The following ARSB variants were observed in gnomAD, a reference collection of about 807,000 sequenced individuals.
ARSB encodes N-acetylgalactosamine-4-sulfatase.
ARSB carries 41 observed loss-of-function variants against 50.9 expected under a neutral mutation model. The ratio of observed to expected loss-of-function variants is 0.81; its 90% confidence interval spans 0.63 to 1.04. The LOEUF (loss-of-function observed/expected upper bound fraction) is 1.04, where lower values mean the gene tolerates loss of function less well. ARSB is among the 50% of genes least tolerant of loss of function. ARSB has a pLI of 0.00. For missense variants in ARSB, 672 were observed against 693.3 expected, an observed-to-expected ratio of 0.97 and a Z score of 0.35; for synonymous variants, 269 against 284.8, an observed-to-expected ratio of 0.94 and a Z score of 0.56.
At chr5:78,924,349 C>A (rs1313543546) in intron 4 of ARSB, among the ~76,000 whole-genome samples, 2 of 152,168 alleles carry the variant, frequency 1.3e-5, no homozygotes, top group Non-Finnish European at 2.9e-5. Context: ...CAGGTCTGTA[C>A]AATTACAGAG....
intron 4 of ARSB, among the ~76,000 whole-genome samples, chr5:78,913,481 G>T (rs1283601998): frequency 6.6e-6 from 1 of 152,206 alleles, no homozygotes; most frequent in African/African-American, 2.4e-5. Context: ...GCAGCAGTGT[G>T]AGGTAGACTT....
intron 6 of ARSB, among the ~76,000 whole-genome samples, chr5:78,788,613 G>A (rs537681645): frequency 2.0e-5 from 3 of 152,028 alleles, no homozygotes; most frequent in Non-Finnish European, 4.4e-5. Flanking sequence ...TATTTTTTGA[G>A]ATAAGGTCTT....
chr5:78,816,331 T>C (rs1743991833), intron 6 of ARSB, among the ~76,000 whole-genome samples: 1 of 152,182 alleles, frequency 6.6e-6, no homozygotes, highest in African/African-American at 2.4e-5. Flanking sequence ...GGGGCTTGAT[T>C]AGCTCTGTCA....
intron 5 of ARSB, among the ~76,000 whole-genome samples, chr5:78,868,952 G>A (rs1746965606): frequency 6.6e-6 from 1 of 151,728 alleles, no homozygotes; most frequent in African/African-American, 2.4e-5. Context: ...GGCTCAAAAT[G>A]AAAGGAAGGA....
chr5:78,938,901 G>A (rs1242966729), intron 4 of ARSB, among the ~76,000 whole-genome samples: 1 of 152,210 alleles, frequency 6.6e-6, no homozygotes, highest in East Asian at 1.9e-4. Flanking sequence ...TCCGGTCACT[G>A]TCCCTTAATG....
intron 5 of ARSB, among the ~76,000 whole-genome samples, chr5:78,874,611 A>C (rs556506586): frequency 1.3e-5 from 2 of 152,212 alleles, no homozygotes; most frequent in Admixed American, 6.5e-5. Context: ...AAAGATAAAA[A>C]GTAAATGTAA....
chr5:78,915,157 G>A (rs1044254852), intron 4 of ARSB, among the ~76,000 whole-genome samples: 3 of 152,076 alleles, frequency 2.0e-5, no homozygotes, highest in African/African-American at 4.8e-5. Flanking sequence ...CTATCAATGC[G>A]CAATCAGCTT....
chr5:78,835,921 C>A (rs1215495133), intron 6 of ARSB, among the ~76,000 whole-genome samples: 2 of 152,146 alleles, frequency 1.3e-5, no homozygotes, highest in Non-Finnish European at 2.9e-5. Context: ...GAGTGAGAAA[C>A]CACAGAAATG....
intron 4 of ARSB, 148 bp from the exon 5 acceptor site, chr5:78,885,975 T>C: frequency 7.7e-7 from 1 of 1,300,086 alleles, no homozygotes; most frequent in African/African-American, 1.5e-5. Flanking sequence ...AAATTCCCTT[T>C]TCCCATTGAC....
intron 5 of ARSB, among the ~76,000 whole-genome samples, chr5:78,850,383 C>G (rs376241417): frequency 0.26 from 39,088 of 151,110 alleles, 6,556 homozygotes; most frequent in African/African-American, 0.49. Context: ...GTATATTGAA[C>G]CAGCCTTGCA....
intron 4 of ARSB, among the ~76,000 whole-genome samples, chr5:78,898,875 G>C (rs2112263499): frequency 6.6e-6 from 1 of 152,340 alleles, no homozygotes; most frequent in African/African-American, 2.4e-5. Flanking sequence ...TTCTGAGTTT[G>C]TCCAGGTACT....
chr5:78,915,640 G>A (rs2112332490), intron 4 of ARSB, among the ~76,000 whole-genome samples: 1 of 152,280 alleles, frequency 6.6e-6, no homozygotes, highest in East Asian at 1.9e-4. Context: ...AATACTCCTT[G>A]TCCAAAACAC....
chr5:78,784,798 C>CTTTTT (rs370754347), intron 6 of ARSB, among the ~76,000 whole-genome samples: 1 of 124,862 alleles, frequency 8.0e-6, no homozygotes, highest in East Asian at 2.3e-4. Context: ...TTTTATTAGT[C>CTTTTT]TTTTTTTTTT....
chr5:78,959,795 A>G (rs1751902633), intron 3 of ARSB, among the ~76,000 whole-genome samples: 1 of 152,228 alleles, frequency 6.6e-6, no homozygotes, highest in African/African-American at 2.4e-5. Flanking sequence ...TTTAAATTGA[A>G]AAAAGAGAAA....
intron 4 of ARSB, among the ~76,000 whole-genome samples, chr5:78,939,778 A>G (rs1398929552): frequency 2.6e-5 from 4 of 152,078 alleles, no homozygotes; most frequent in South Asian, 2.1e-4. Context: ...ATGATTTATA[A>G]TCCTTTGGGT....
chr5:78,826,714 G>A (rs1461753570), intron 6 of ARSB, among the ~76,000 whole-genome samples: 1 of 152,188 alleles, frequency 6.6e-6, no homozygotes, highest in Non-Finnish European at 1.5e-5. Flanking sequence ...AAAACAAATA[G>A]CACAGGTGTT....
chr5:78,785,654 T>C (rs562401929), intron 6 of ARSB, among the ~76,000 whole-genome samples: 1 of 152,314 alleles, frequency 6.6e-6, no homozygotes, highest in African/African-American at 2.4e-5. Context: ...TCTTATGCAA[T>C]AGAAAGAAGT....
At position 78,880,089 on chromosome 5, in the gene ARSB, G is replaced by A. The variant is rs544678859; in HGVS notation, c.1142+5495C>T. On this transcript the variant is annotated intron_variant, in intron 5 of 7. Transcript: ENST00000264914. ...AGTCACCACTATGTACGGTACTGAAGAACGTGCCCCTGTTCCATAAGAGAT... is the reference window on the plus strand; with the variant it reads ...AGTCACCACTATGTACGGTACTGAAAAACGTGCCCCTGTTCCATAAGAGAT... 6.6e-5 allele frequency among the ~76,000 whole-genome samples: 10 copies of A among 152,226 alleles called. No homozygotes were observed. In the East Asian group the frequency reaches 9.7e-4, roughly 15 times the overall value.
chr5:78,808,792 C>G (rs986165873), intron 6 of ARSB, among the ~76,000 whole-genome samples: 29 of 152,202 alleles, frequency 1.9e-4, no homozygotes, highest in African/African-American at 6.8e-4. Flanking sequence ...GTGCCCCCAC[C>G]CTGTTTGCAG....
Sources: gnomAD v4.1 joint callset for allele counts (sites outside exome capture counted in the v4.1 genomes callset) on GRCh38, gnomAD v4.1.1 for gene constraint, MANE v1.5 for transcripts, NCBI Gene and HGNC (gene_info 2026-07-23, HGNC 2026-07-21) for gene names.